OTUD7A: variants seen among roughly 807,000 people sequenced by gnomAD.
OTUD7A encodes OTU domain-containing protein 7A.
In OTUD7A, 12 loss-of-function variants were observed where a neutral mutation model predicts 65.7. The observed-to-expected ratio is 0.18, with a 90% CI of 0.12 to 0.30. OTUD7A has a LOEUF of 0.30. Ranked by LOEUF, OTUD7A falls within the 10% of genes least tolerant of loss-of-function variation. The pLI, the probability that OTUD7A is intolerant of heterozygous loss-of-function variation, is 1.00. For synonymous variants in OTUD7A, 641 were observed against 586.3 expected, an observed-to-expected ratio of 1.09 and a Z score of -1.35; for missense variants, 1,148 against 1,304.8, an observed-to-expected ratio of 0.88 and a Z score of 1.85.
intron 10 of OTUD7A, among the ~76,000 whole-genome samples, chr15:31,495,023 C>T (rs1027148684): frequency 1.3e-5 from 2 of 152,154 alleles, no homozygotes; most frequent in African/African-American, 4.8e-5. Context: ...TTCCTGTGGG[C>T]ATGGACGTCT....
chr15:31,543,084 T>C (rs1052434860), intron 5 of OTUD7A, among the ~76,000 whole-genome samples: 7 of 151,896 alleles, frequency 4.6e-5, no homozygotes, highest in East Asian at 1.9e-4. Flanking sequence ...ATGTTGACTA[T>C]ATAAAACACT....
intron 5 of OTUD7A, among the ~76,000 whole-genome samples, chr15:31,535,962 G>C (rs780529432): frequency 1.3e-5 from 2 of 152,072 alleles, no homozygotes; most frequent in African/African-American, 2.4e-5. Flanking sequence ...TTACAGGTGT[G>C]AGCCACCGCG....
intron 3 of OTUD7A, among the ~76,000 whole-genome samples, chr15:31,571,223 T>A (rs190959038): frequency 7.2e-5 from 11 of 152,240 alleles, no homozygotes; most frequent in Non-Finnish European, 1.5e-4. Context: ...AATTAAAAAA[T>A]TTTAAAAAGA....
chr15:31,715,645 G>T (rs1438250831), intron 1 of OTUD7A, among the ~76,000 whole-genome samples: 1 of 131,988 alleles, frequency 7.6e-6, no homozygotes, highest in African/African-American at 2.7e-5. Flanking sequence ...TTAAGTTCTG[G>T]GAACTTGCTT....
At chr15:31,779,868 T>C (rs73378702) in intron 1 of OTUD7A, among the ~76,000 whole-genome samples, 7,011 of 152,126 alleles carry the variant, frequency 0.046, 523 homozygotes, top group African/African-American at 0.16. Flanking sequence ...TTGGAACTCA[T>C]TCTCTCCAAG....
At chr15:31,618,108 T>C (rs1449308975) in intron 3 of OTUD7A, among the ~76,000 whole-genome samples, 1 of 152,344 alleles carries the variant, frequency 6.6e-6, no homozygotes, top group African/African-American at 2.4e-5. Context: ...GGACATGAAC[T>C]CATCATTTTT....
chr15:31,848,144 G>A (rs2141001608), intron 1 of OTUD7A, among the ~76,000 whole-genome samples: 1 of 152,328 alleles, frequency 6.6e-6, no homozygotes, highest in African/African-American at 2.4e-5. Flanking sequence ...AGTGAGGCAG[G>A]CTCATGGCTT....
At chr15:31,565,313 T>TA (rs1428523070) in intron 4 of OTUD7A, among the ~76,000 whole-genome samples, 1 of 152,208 alleles carries the variant, frequency 6.6e-6, no homozygotes, top group Non-Finnish European at 1.5e-5. Context: ...CAGATGATAC[T>TA]ATTGTATACT....
intron 6 of OTUD7A, among the ~76,000 whole-genome samples, chr15:31,527,788 A>G (rs1051095506): frequency 2.6e-5 from 4 of 152,186 alleles, no homozygotes; most frequent in Non-Finnish European, 5.9e-5. Flanking sequence ...CTTCCTGAGA[A>G]GCAGAGCGTC....
chr15:31,758,384 C>A (rs1029832760), intron 1 of OTUD7A, among the ~76,000 whole-genome samples: 1 of 152,210 alleles, frequency 6.6e-6, no homozygotes, highest in Non-Finnish European at 1.5e-5. Context: ...TTCAGCTGGT[C>A]TCATTCTACT....
At chr15:31,504,833 A>G (rs927484416) in intron 8 of OTUD7A, among the ~76,000 whole-genome samples, 5 of 152,058 alleles carry the variant, frequency 3.3e-5, no homozygotes, top group African/African-American at 1.2e-4. Context: ...ATGCATTACC[A>G]TCACCTGTGG....
At chr15:31,844,175 C>T (rs904093303) in intron 1 of OTUD7A, among the ~76,000 whole-genome samples, 3 of 152,348 alleles carry the variant, frequency 2.0e-5, no homozygotes, top group East Asian at 3.9e-4. Context: ...GGCACCCACA[C>T]TGACACAGTA....
chr15:31,751,325 T>A (rs891440480), intron 1 of OTUD7A, among the ~76,000 whole-genome samples: 2 of 152,132 alleles, frequency 1.3e-5, no homozygotes, highest in Middle Eastern at 3.4e-3. Flanking sequence ...CTGCTCAACA[T>A]CACTAATCAT....
chr15:31,854,005 G>T (rs1364341534), intron 1 of OTUD7A, among the ~76,000 whole-genome samples: 1 of 152,126 alleles, frequency 6.6e-6, no homozygotes, highest in Admixed American at 6.5e-5. Flanking sequence ...TTTTCTATTA[G>T]TTTTTTATTA....
intron 5 of OTUD7A, among the ~76,000 whole-genome samples, chr15:31,547,603 G>C (rs544401314): frequency 6.6e-6 from 1 of 151,980 alleles, no homozygotes; most frequent in Non-Finnish European, 1.5e-5. Flanking sequence ...AATATTTTTT[G>C]ATCTTACGAG....
intron 8 of OTUD7A, among the ~76,000 whole-genome samples, chr15:31,519,461 T>C (rs1009186502): frequency 5.3e-5 from 8 of 152,240 alleles, no homozygotes; most frequent in African/African-American, 1.7e-4. Context: ...CACTTCATGA[T>C]GAAAATCCTC....
chr15:31,699,363 G>C (rs1316288094), intron 1 of OTUD7A, among the ~76,000 whole-genome samples: 2 of 152,172 alleles, frequency 1.3e-5, no homozygotes, highest in Non-Finnish European at 2.9e-5. Context: ...ACTGGCGTGA[G>C]CCATCACGCT....
chr15:31,557,131 C>G (rs1888523427), intron 5 of OTUD7A: 2 of 152,246 alleles, frequency 1.3e-5, no homozygotes, highest in South Asian at 4.1e-4. Context: ...TTCTATGAGT[C>G]CTGTGGCTAC....
At chr15:31,500,193 G>A (rs2041446987) in intron 10 of OTUD7A, among the ~76,000 whole-genome samples, 3 of 152,222 alleles carry the variant, frequency 2.0e-5, no homozygotes, top group South Asian at 2.1e-4. Flanking sequence ...TCAGCCCTAC[G>A]AAGAGCTAAA....
Sources: gnomAD v4.1 joint callset for allele counts (sites outside exome capture counted in the v4.1 genomes callset) on GRCh38, gnomAD v4.1.1 for gene constraint, MANE v1.5 for transcripts, NCBI Gene and HGNC (gene_info 2026-07-23, HGNC 2026-07-21) for gene names.